PCDHA12: variants seen among roughly 807,000 people sequenced by gnomAD.
PCDHA12 encodes protocadherin alpha 12.
Under a neutral mutation model 60.0 loss-of-function variants are expected in PCDHA12, and 44 were observed. That is an observed-to-expected ratio of 0.73 (90% confidence interval 0.58 to 0.94). The LOEUF is 0.94. Among genes scored for constraint, PCDHA12 ranks in the 40% least tolerant of loss-of-function variants. PCDHA12 has a pLI of 0.00. For synonymous variants in PCDHA12, 569 were observed against 553.0 expected, an observed-to-expected ratio of 1.03 and a Z score of -0.40; for missense variants, 1,276 against 1,239.7, an observed-to-expected ratio of 1.03 and a Z score of -0.44.
intron 1 of PCDHA12, among the ~76,000 whole-genome samples, chr5:140,919,272 T>C (rs1287919874): frequency 6.6e-6 from 1 of 152,258 alleles, no homozygotes; most frequent in Non-Finnish European, 1.5e-5. Context: ...GTGTAGTCAC[T>C]CCAGCTATCT....
chr5:141,003,001 C>T (rs1403843420), intron 3 of PCDHA12, among the ~76,000 whole-genome samples: 3 of 152,182 alleles, frequency 2.0e-5, no homozygotes, highest in Admixed American at 1.3e-4. Flanking sequence ...AGTTTATGTT[C>T]TATTAGGGAA....
chr5:140,887,454 T>A (rs1234442880), intron 1 of PCDHA12, among the ~76,000 whole-genome samples: 5 of 152,178 alleles, frequency 3.3e-5, no homozygotes, highest in Non-Finnish European at 7.3e-5. Context: ...GACAGTTTTT[T>A]AAAAGATATA....
chr5:140,969,005 G>A (rs149076230), intron 1 of PCDHA12: 1 of 1,614,168 alleles, frequency 6.2e-7, no homozygotes, highest in Non-Finnish European at 8.5e-7. Flanking sequence ...AGGCTTCTGT[G>A]GAGTAAGGGA....
chr5:140,942,206 T>G (rs916002360), intron 1 of PCDHA12, among the ~76,000 whole-genome samples: 1 of 152,152 alleles, frequency 6.6e-6, no homozygotes, highest in African/African-American at 2.4e-5. Context: ...TTTTTGAGCA[T>G]AAGATATTTA....
chr5:140,984,644 C>T (rs969349039), intron 3 of PCDHA12, among the ~76,000 whole-genome samples: 20 of 152,136 alleles, frequency 1.3e-4, no homozygotes, highest in African/African-American at 4.3e-4. Context: ...CTGCCTTCTC[C>T]CTGTCCTTCT....
intron 1 of PCDHA12, chr5:140,884,671 A>G (rs1554181819): frequency 1.3e-6 from 2 of 1,562,846 alleles, no homozygotes; most frequent in African/African-American, 2.7e-5. Context: ...AGGTAAGCTT[A>G]TATTTTAAAA....
chr5:140,882,873 G>T, intron 1 of PCDHA12: 6 of 1,614,222 alleles, frequency 3.7e-6, no homozygotes, highest in Non-Finnish European at 5.1e-6. Flanking sequence ...ACACTGGACA[G>T]AGAGGAAATT....
At chr5:140,999,554 G>T (rs2097862771) in intron 3 of PCDHA12, among the ~76,000 whole-genome samples, 1 of 152,158 alleles carries the variant, frequency 6.6e-6, no homozygotes, top group Non-Finnish European at 1.5e-5. Context: ...TGAAGAGGGG[G>T]TATTTTGAGA....
chr5:140,932,199 A>C (rs1314795858), intron 1 of PCDHA12, among the ~76,000 whole-genome samples: 2 of 151,894 alleles, frequency 1.3e-5, no homozygotes, highest in African/African-American at 4.8e-5. Context: ...TTTTTCTGTT[A>C]ATATTCTTGA....
At chr5:140,968,165 C>T in intron 1 of PCDHA12, 6 of 1,614,120 alleles carry the variant, frequency 3.7e-6, no homozygotes, top group African/African-American at 1.3e-5. Flanking sequence ...TGACAATCCA[C>T]CAAGCTTCCT....
At chr5:140,960,934 A>G (rs1429908471) in intron 1 of PCDHA12, among the ~76,000 whole-genome samples, 3 of 152,236 alleles carry the variant, frequency 2.0e-5, no homozygotes, top group Admixed American at 1.3e-4. Context: ...TACTAAGTTT[A>G]GTGAATTAGA....
At chr5:140,992,918 A>C (rs1362238628) in intron 3 of PCDHA12, among the ~76,000 whole-genome samples, 2 of 152,186 alleles carry the variant, frequency 1.3e-5, no homozygotes, top group Non-Finnish European at 2.9e-5. Context: ...GGCCCTCTCC[A>C]TACTTACAGC....
intron 1 of PCDHA12, among the ~76,000 whole-genome samples, chr5:140,964,239 GTTGGC>G (rs2095819198): frequency 6.6e-6 from 1 of 152,180 alleles, no homozygotes; most frequent in African/African-American, 2.4e-5. Context: ...GGCTGATTGT[GTTGGC>G]TTTATATTTG....
chr5:140,983,054 G>A (rs933321433), intron 3 of PCDHA12, among the ~76,000 whole-genome samples: 1 of 151,858 alleles, frequency 6.6e-6, no homozygotes. Flanking sequence ...GAAAATTATC[G>A]GAACCAAGGC....
rs145229632 is a variant in PCDHA12 at position 140,928,096 on chromosome 5, C to A, written c.2367+50257C>A. ...CTACTACAGCCTGCTGATTGATGGG[C>A]CCCTGGACCGGGAGCAGATCAGTGA... On this transcript the variant is annotated intron_variant, in intron 1 of 3. Coordinates refer to ENST00000398631, the MANE Select transcript of PCDHA12 (RefSeq NM_018903.4). 3.5e-5 allele frequency: 57 copies of A among 1,614,052 alleles called. No homozygotes were observed. In the African/African-American group the frequency reaches 6.8e-4, roughly 19 times the overall value.
intron 1 of PCDHA12, among the ~76,000 whole-genome samples, chr5:140,886,681 C>T (rs1184298079): frequency 1.3e-5 from 2 of 151,832 alleles, no homozygotes; most frequent in Admixed American, 6.6e-5. Context: ...CAAAAATTAG[C>T]GAGGCATGGT....
At chr5:140,888,309 C>T (rs1175163005) in intron 1 of PCDHA12, among the ~76,000 whole-genome samples, 1 of 152,138 alleles carries the variant, frequency 6.6e-6, no homozygotes, top group Admixed American at 6.5e-5. Context: ...GATAATTTGG[C>T]AATGCCTGGA....
intron 1 of PCDHA12, among the ~76,000 whole-genome samples, chr5:140,934,224 AT>A: frequency 6.6e-6 from 1 of 152,246 alleles, no homozygotes. Context: ...TGTTTAAAAG[AT>A]TTGTACTTAA....
At chr5:141,004,705 C>T (rs535016776) in intron 3 of PCDHA12, among the ~76,000 whole-genome samples, 5 of 152,154 alleles carry the variant, frequency 3.3e-5, no homozygotes, top group Admixed American at 6.5e-5. Context: ...TTTTAGGTGC[C>T]GAATCAGAGG....
Sources: allele counts gnomAD v4.1 joint callset (sites outside exome capture counted in the v4.1 genomes callset), GRCh38; gene constraint gnomAD v4.1.1; transcripts MANE v1.5; gene names NCBI Gene and HGNC (gene_info 2026-07-23, HGNC 2026-07-21).